The following RBMS1 variants were observed in gnomAD, a reference collection of about 807,000 sequenced individuals.
RBMS1 encodes RNA binding motif single stranded interacting protein 1.
In RBMS1, 17 loss-of-function variants were observed where a neutral mutation model predicts 62.3. The observed-to-expected ratio is 0.27, with a 90% CI of 0.19 to 0.41. The LOEUF is 0.41. Ranked by LOEUF, RBMS1 falls within the 10% of genes least tolerant of loss-of-function variation. RBMS1 has a pLI of 1.00. For synonymous variants in RBMS1, 172 were observed against 170.0 expected, an observed-to-expected ratio of 1.01 and a Z score of -0.09; for missense variants, 334 against 504.5, an observed-to-expected ratio of 0.66 and a Z score of 3.24.
chr2:160,471,675 T>G (rs1684915919), intron 1 of RBMS1, among the ~76,000 whole-genome samples: 1 of 54,622 alleles, frequency 1.8e-5, no homozygotes, highest in Admixed American at 2.6e-4. Context: ...AAATCATGTT[T>G]GGGAAATCCT....
chr2:160,305,012 G>A (rs1266572076), intron 4 of RBMS1, among the ~76,000 whole-genome samples: 2 of 152,038 alleles, frequency 1.3e-5, no homozygotes, highest in South Asian at 2.1e-4. Flanking sequence ...GTACTACCAC[G>A]CCCAGCTAAT....
chr2:160,386,707 C>T (rs1049177709), intron 1 of RBMS1, among the ~76,000 whole-genome samples: 3 of 152,068 alleles, frequency 2.0e-5, no homozygotes, highest in African/African-American at 4.8e-5. Context: ...AGAAGAGAGC[C>T]CTCACCAGAA....
intron 1 of RBMS1, among the ~76,000 whole-genome samples, chr2:160,395,279 G>A (rs949028564): frequency 1.3e-5 from 2 of 152,146 alleles, no homozygotes; most frequent in African/African-American, 4.8e-5. Context: ...GTGTATCTTA[G>A]TAAGCACAAT....
chr2:160,391,415 C>T (rs1405398550), intron 1 of RBMS1, among the ~76,000 whole-genome samples: 3 of 151,634 alleles, frequency 2.0e-5, no homozygotes, highest in Non-Finnish European at 4.4e-5. Flanking sequence ...ATGCTAGCCT[C>T]CAAAACTGAG....
intron 1 of RBMS1, among the ~76,000 whole-genome samples, chr2:160,460,065 A>T (rs1049917590): frequency 2.0e-5 from 3 of 152,234 alleles, no homozygotes; most frequent in African/African-American, 7.2e-5. Flanking sequence ...CTGGGCCCAC[A>T]GAAGGCAGAT....
chr2:160,462,215 C>A (rs1173716306), intron 1 of RBMS1, among the ~76,000 whole-genome samples: 1 of 152,150 alleles, frequency 6.6e-6, no homozygotes, highest in Non-Finnish European at 1.5e-5. Context: ...GTGAGAAAAA[C>A]CAATCTGTTT....
intron 9 of RBMS1, chr2:160,282,383 T>A: frequency 8.0e-7 from 1 of 1,255,226 alleles, no homozygotes. Context: ...CCATTGGGGT[T>A]GGTGGTTTCT....
intron 1 of RBMS1, among the ~76,000 whole-genome samples, chr2:160,456,143 C>A (rs896506358): frequency 1.3e-5 from 2 of 152,178 alleles, no homozygotes; most frequent in Admixed American, 6.5e-5. Context: ...AAAAAACAAA[C>A]AAACTTAAAA....
chr2:160,293,366 CAT>C (rs1339975069), intron 6 of RBMS1, among the ~76,000 whole-genome samples: 1 of 152,162 alleles, frequency 6.6e-6, no homozygotes, highest in Non-Finnish European at 1.5e-5. Context: ...CCACTGGACA[CAT>C]AACCAATTGG....
chr2:160,353,535 G>A (rs79973708), intron 2 of RBMS1, among the ~76,000 whole-genome samples: 1,787 of 152,248 alleles, frequency 0.012, 20 homozygotes, highest in Non-Finnish European at 0.016. Flanking sequence ...CTTGTGTCAA[G>A]ACCTGCCCAG....
intron 6 of RBMS1, among the ~76,000 whole-genome samples, chr2:160,295,809 A>G (rs567216287): frequency 1.3e-5 from 2 of 152,360 alleles, no homozygotes; most frequent in South Asian, 4.1e-4. Flanking sequence ...TTTTGTTGTT[A>G]TTAATTTAGC....
intron 6 of RBMS1, among the ~76,000 whole-genome samples, chr2:160,288,640 T>C (rs549573378): frequency 6.6e-6 from 1 of 152,260 alleles, no homozygotes; most frequent in South Asian, 2.1e-4. Flanking sequence ...CAGCAAGCCT[T>C]GGCCCAGATC....
At chr2:160,440,904 CAG>C (rs1346803826) in intron 1 of RBMS1, among the ~76,000 whole-genome samples, 2 of 152,184 alleles carry the variant, frequency 1.3e-5, no homozygotes, top group Non-Finnish European at 2.9e-5. Flanking sequence ...ATATAATTAA[CAG>C]AATAAAATAC....
chr2:160,313,182 T>C lies in RBMS1; in HGVS notation c.376A>G (p.Ser126Gly), dbSNP rs1170513120. The C allele has an allele frequency of 5.6e-6, 9 of 1,613,552 alleles. No homozygotes were observed. The highest frequency in any genetic ancestry group is 1.3e-5 in the African/African-American group (1 of 74,918). Reference sequence around the variant, plus strand: ...TTTGCCATTTGAGCTTGAACCCCACTGGCCTTCAGGGCAGACACAGCTTTT... The same window carrying C: ...TTTGCCATTTGAGCTTGAACCCCACCGGCCTTCAGGGCAGACACAGCTTTT... ...AQKAVSALKA[S>G]GVQAQMAKQQ... Residue 126 changes from serine (S) to glycine (G), a missense_variant, in exon 4 of 14, where the codon AGT becomes GGT. This residue lies in a region of RBMS1 where 150 missense variants were observed against 228.0 expected (regional missense o/e 0.66). Coordinates refer to ENST00000348849, the MANE Select transcript of RBMS1 (RefSeq NM_016836.4).
At chr2:160,367,056 GTATT>G in intron 2 of RBMS1, 156 bp downstream of exon 2, 1 of 585,072 alleles carries the variant, frequency 1.7e-6, no homozygotes, top group South Asian at 3.8e-5. Context: ...GACTCAAAAA[GTATT>G]TAAGAAGTTA....
intron 1 of RBMS1, chr2:160,407,332 G>C (rs964168331): frequency 2.0e-6 from 2 of 984,438 alleles, no homozygotes; most frequent in Non-Finnish European, 2.4e-6. Flanking sequence ...AGCAGTCCCC[G>C]CGGCCGCCTT....
chr2:160,452,049 A>G (rs931401800), intron 1 of RBMS1, among the ~76,000 whole-genome samples: 1 of 152,180 alleles, frequency 6.6e-6, no homozygotes, highest in Admixed American at 6.6e-5. Context: ...TGAACCCCTT[A>G]AAGAGGCTGT....
chr2:160,409,107 T>C (rs1345965150), intron 1 of RBMS1, among the ~76,000 whole-genome samples: 1 of 152,146 alleles, frequency 6.6e-6, no homozygotes, highest in Non-Finnish European at 1.5e-5. Flanking sequence ...ATTCAAAGGC[T>C]TTTCTAGCAG....
At chr2:160,337,729 T>C (rs1004138170) in intron 2 of RBMS1, among the ~76,000 whole-genome samples, 3 of 152,132 alleles carry the variant, frequency 2.0e-5, no homozygotes, top group African/African-American at 4.8e-5. Flanking sequence ...CTGAAGCCAA[T>C]TGACCCTGCA....
Sources: gnomAD v4.1 joint callset for allele counts (sites outside exome capture counted in the v4.1 genomes callset) on GRCh38, gnomAD v4.1.1 for gene constraint, gnomAD v4.1.1 regional missense constraint, MANE v1.5 for transcripts, NCBI Gene and HGNC (gene_info 2026-07-23, HGNC 2026-07-21) for gene names.